Variants in ZNF280D observed in about 807,000 individuals in gnomAD.
ZNF280D encodes the protein zinc finger protein 280D, also known as suppressor of hairy wing homolog 4.
In ZNF280D, 39 loss-of-function variants were observed where a neutral mutation model predicts 94.7. The observed-to-expected ratio is 0.41, with a 90% CI of 0.32 to 0.54. The LOEUF is 0.54. ZNF280D is among the 20% of genes least tolerant of loss of function. The pLI, the probability that ZNF280D is intolerant of heterozygous loss-of-function variation, is 0.22. For synonymous variants in ZNF280D, 398 were observed against 377.6 expected (o/e 1.05, Z -0.63); for missense variants, 1,090 against 1,149.3 (o/e 0.95, Z 0.75).
chr15:56,710,780 T>C (rs1427647773), intron 1 of ZNF280D, among the ~76,000 whole-genome samples: 1 of 152,152 alleles, frequency 6.6e-6, no homozygotes, highest in Non-Finnish European at 1.5e-5. Context: ...ATAATATTAA[T>C]ACTGCATGTG....
chr15:56,654,288 T>A, intron 18 of ZNF280D, 54 bp from the exon 19 acceptor site: 1 of 1,597,674 alleles, frequency 6.3e-7, no homozygotes, highest in Non-Finnish European at 8.5e-7. Context: ...ATATGATGAG[T>A]GAGAATAATG....
At chr15:56,670,751 A>C (rs2054807750) in intron 13 of ZNF280D, among the ~76,000 whole-genome samples, 1 of 151,976 alleles carries the variant, frequency 6.6e-6, no homozygotes, top group South Asian at 2.1e-4. Context: ...CTAGGTCTTC[A>C]AGGAATTGCC....
At chr15:56,717,828 C>T (rs1212739204) in intron 1 of ZNF280D, among the ~76,000 whole-genome samples, 1 of 152,084 alleles carries the variant, frequency 6.6e-6, no homozygotes, top group Non-Finnish European at 1.5e-5. Context: ...CTCTATTTGC[C>T]TCCACCAGGA....
Position 56,682,585 on chromosome 15 carries a change from A to G in ZNF280D, c.781-108T>C, listed in dbSNP as rs2055703868. 4.9e-5 allele frequency: 32 copies of G among 652,406 alleles called. No homozygotes were observed. In the South Asian group the frequency reaches 7.8e-4, roughly 16 times the overall value. 40.4% of individuals were successfully genotyped at this position (652,406 alleles called of 1,614,324 possible). A position where few individuals can be genotyped will look rare whatever the true frequency, so the allele number is the denominator to read the frequency against. ...CACCTAAGGCCAGACCATTAAAACTATGCTTGTAATATATCTAGAAAAATA... is the reference window on the plus strand; with the variant it reads ...CACCTAAGGCCAGACCATTAAAACTGTGCTTGTAATATATCTAGAAAAATA... On this transcript the variant is annotated intron_variant, in intron 9 of 21. Transcript: ENST00000267807.
intron 6 of ZNF280D, 74 bp downstream of exon 6, chr15:56,700,859 C>A (rs777008425): frequency 1.4e-5 from 22 of 1,611,380 alleles, no homozygotes; most frequent in Middle Eastern, 1.6e-4. Context: ...AGAATTGTAA[C>A]TGGGTACTGT....
intron 6 of ZNF280D, among the ~76,000 whole-genome samples, chr15:56,695,046 C>CCT (rs2056663802): frequency 1.4e-5 from 2 of 141,686 alleles, no homozygotes. Context: ...CTACTGAAGG[C>CCT]TTTAAAAGGT....
chr15:56,650,035 G>A (rs534168019), intron 19 of ZNF280D, among the ~76,000 whole-genome samples: 70 of 152,106 alleles, frequency 4.6e-4, no homozygotes, highest in African/African-American at 1.6e-3. Context: ...GATATTAGTG[G>A]TTTAATTGAT....
intron 13 of ZNF280D, 57 bp downstream of exon 13, chr15:56,676,613 T>C (rs763728015): frequency 1.0e-5 from 15 of 1,449,486 alleles, no homozygotes; most frequent in Non-Finnish European, 1.2e-5. Context: ...CTCCAAGTCA[T>C]AATCAGTTTT....
intron 20 of ZNF280D, 48 bp downstream of exon 20, chr15:56,642,904 A>G (rs565953429): frequency 1.5e-6 from 2 of 1,340,244 alleles, no homozygotes; most frequent in African/African-American, 1.5e-5. Flanking sequence ...TACCAATAAT[A>G]CTTTCAAATG....
At position 56,720,973 on chromosome 15, in the gene ZNF280D, G is replaced by A. The variant is rs111593964; in HGVS notation, c.-86+12485C>T. On this transcript the variant is annotated intron_variant, in intron 1 of 21. Transcript: ENST00000267807. ...AGAGTAGATTTAGCATTTTTTTTGGGGGGGGGGGGGACAGAGTCTCGCTCC... is the reference window on the plus strand; with the variant it reads ...AGAGTAGATTTAGCATTTTTTTTGGAGGGGGGGGGGACAGAGTCTCGCTCC... Among the ~76,000 whole-genome samples the A allele has an allele frequency of 1.6e-3, 162 of 98,662 alleles. 10 individuals are homozygous for A. The highest frequency in any genetic ancestry group is 5.8e-3 in the African/African-American group (157 of 27,072). 64.7% of individuals were successfully genotyped at this position (98,662 alleles called of 152,430 possible).
chr15:56,660,063 G>C (rs1420743155), intron 16 of ZNF280D, among the ~76,000 whole-genome samples: 1 of 151,948 alleles, frequency 6.6e-6, no homozygotes, highest in Admixed American at 6.6e-5. Flanking sequence ...ATTACTATTA[G>C]AGTTTACAAA....
chr15:56,673,961 C>T (rs1258841597), intron 13 of ZNF280D, among the ~76,000 whole-genome samples: 2 of 152,046 alleles, frequency 1.3e-5, no homozygotes, highest in Non-Finnish European at 2.9e-5. Flanking sequence ...TTTTCTCCCA[C>T]AGTACTTATT....
intron 19 of ZNF280D, among the ~76,000 whole-genome samples, chr15:56,647,656 T>C (rs2052971529): frequency 6.6e-6 from 1 of 152,146 alleles, no homozygotes; most frequent in Non-Finnish European, 1.5e-5. Context: ...CACCATCTCC[T>C]GAGTAACTGG....
chr15:56,695,085 T>C (rs2056668197), intron 6 of ZNF280D, among the ~76,000 whole-genome samples: 1 of 152,036 alleles, frequency 6.6e-6, no homozygotes, highest in Admixed American at 6.6e-5. Context: ...TGTGTGTGTG[T>C]GTGTGAAATG....
intron 20 of ZNF280D, among the ~76,000 whole-genome samples, chr15:56,639,766 G>T (rs557537654): frequency 6.6e-6 from 1 of 152,070 alleles, no homozygotes; most frequent in Non-Finnish European, 1.5e-5. Flanking sequence ...GCTAGTAGAG[G>T]ACACAATTCA....
intron 20 of ZNF280D, chr15:56,635,701 C>A (rs568331368): frequency 7.2e-5 from 11 of 152,298 alleles, no homozygotes; most frequent in Non-Finnish European, 1.2e-4. Flanking sequence ...GTCATGGTAA[C>A]CCTTCCACTG....
chr15:56,673,446 C>T (rs1158328239), intron 13 of ZNF280D, among the ~76,000 whole-genome samples: 6 of 152,040 alleles, frequency 3.9e-5, no homozygotes, highest in African/African-American at 1.2e-4. Context: ...AATCTTTCCA[C>T]TTCTCATTAC....
At chr15:56,654,363 T>C (rs2140684811) in intron 18 of ZNF280D, 22 bp downstream of exon 18, 1 of 1,598,534 alleles carries the variant, frequency 6.3e-7, no homozygotes, top group Non-Finnish European at 8.5e-7. Flanking sequence ...AAATCTAAAG[T>C]AGCACAGTTA....
At chr15:56,704,714 C>T (rs546310475) in intron 3 of ZNF280D, among the ~76,000 whole-genome samples, 1 of 152,268 alleles carries the variant, frequency 6.6e-6, no homozygotes, top group East Asian at 1.9e-4. Flanking sequence ...GGAGCAGTGG[C>T]TCACACTTGT....
Sources: gnomAD v4.1 joint callset for allele counts (sites outside exome capture counted in the v4.1 genomes callset) on GRCh38, gnomAD v4.1.1 for gene constraint, MANE v1.5 for transcripts, NCBI Gene and HGNC (gene_info 2026-07-23, HGNC 2026-07-21) for gene names.